Variants in CDK17 observed in about 807,000 individuals in gnomAD.
CDK17 encodes the protein cyclin-dependent kinase 17.
CDK17 carries 24 observed loss-of-function variants against 77.6 expected under a neutral mutation model. The observed-to-expected ratio is 0.31, with a 90% CI of 0.22 to 0.44. The LOEUF (loss-of-function observed/expected upper bound fraction) is 0.44, where lower values mean the gene tolerates loss of function less well. Among genes scored for constraint, CDK17 ranks in the 20% least tolerant of loss-of-function variants. The probability of loss-of-function intolerance (pLI) is 1.00; values close to 1 mark genes in which losing one functional copy is unlikely to be tolerated. For synonymous variants in CDK17, 203 were observed against 210.4 expected (o/e 0.96, Z 0.30); for missense variants, 429 against 622.5 (o/e 0.69, Z 3.31).
chr12:96,352,155 T>C (rs1460649714), intron 1 of CDK17, among the ~76,000 whole-genome samples: 1 of 152,050 alleles, frequency 6.6e-6, no homozygotes, highest in Non-Finnish European at 1.5e-5. Context: ...CTCAGAAATC[T>C]CATTCACAAA....
intron 6 of CDK17, among the ~76,000 whole-genome samples, 169 bp downstream of exon 6, chr12:96,300,135 A>G (rs1952475854): frequency 6.6e-6 from 1 of 152,222 alleles, no homozygotes; most frequent in Admixed American, 6.5e-5. Context: ...AATTTCAAGA[A>G]TTGAAGACTC....
At position 96,383,744 on chromosome 12, in the gene CDK17, C is replaced by T. The variant is rs552954459; in HGVS notation, c.-30+16242G>A. On this transcript the variant is annotated intron_variant, in intron 1 of 16. Transcript: ENST00000261211. ...CATACACAGAAGAATGAAAGTGGGC[C>T]CCTACTTTTTGTCCTATACAAAAAT... 1.2e-4 allele frequency among the ~76,000 whole-genome samples: 18 copies of T among 152,138 alleles called. No homozygotes were observed. The South Asian group carries it at 3.5e-3, about 30-fold the overall frequency.
chr12:96,285,732 T>C (rs1191820699), intron 13 of CDK17: 1 of 169,108 alleles, frequency 5.9e-6, no homozygotes, highest in African/African-American at 2.4e-5. Context: ...GTCAAGATTT[T>C]ACTTACATAA....
chr12:96,307,015 G>A (rs1400070441), intron 5 of CDK17, among the ~76,000 whole-genome samples: 1 of 150,604 alleles, frequency 6.6e-6, no homozygotes, highest in African/African-American at 2.4e-5. Flanking sequence ...AAGTAGGCAG[G>A]CCAGGCGCAG....
chr12:96,321,922 C>A (rs894751211), intron 3 of CDK17, among the ~76,000 whole-genome samples: 4 of 148,532 alleles, frequency 2.7e-5, no homozygotes, highest in African/African-American at 1.0e-4. Context: ...AACTAACCTG[C>A]ACAATGTGCA....
Position 96,279,466 on chromosome 12 carries a change from T to C in CDK17, c.*776A>G, listed in dbSNP as rs184215695. On this transcript the variant is annotated 3_prime_UTR_variant, in exon 17 of 17. Coordinates refer to ENST00000261211, the MANE Select transcript of CDK17 (RefSeq NM_002595.5). ...ACTAAATTTAAAACACAATGTAAAA[T>C]AGGTAAGTGTATTAGTATACAAATA... is the stretch of plus-strand genomic sequence containing the variant. The C allele has an allele frequency of 5.3e-5, 8 of 152,324 alleles. No individual in the cohort carries two copies. The highest frequency in any genetic ancestry group is 3.9e-4 in the East Asian group (2 of 5,192). The allele number at this position is 152,324 out of a possible 1,614,324, so 9.4% of individuals were successfully genotyped here.
At chr12:96,283,551 A>C (rs1411170615) in intron 14 of CDK17, 52 bp downstream of exon 14, 1 of 1,091,116 alleles carries the variant, frequency 9.2e-7, no homozygotes, top group Non-Finnish European at 1.4e-6. Flanking sequence ...CTACACATGA[A>C]GAAGCTGAGG....
At chr12:96,286,553 G>A in intron 12 of CDK17, 111 bp downstream of exon 12, 1 of 694,932 alleles carries the variant, frequency 1.4e-6, no homozygotes, top group Non-Finnish European at 2.5e-6. Context: ...ACTAACAGCT[G>A]TTTATGTTAG....
intron 1 of CDK17, among the ~76,000 whole-genome samples, chr12:96,393,053 A>G (rs984929329): frequency 6.6e-6 from 1 of 152,200 alleles, no homozygotes; most frequent in Non-Finnish European, 1.5e-5. Flanking sequence ...AAATTGAGAC[A>G]TAAAGGACCA....
intron 1 of CDK17, among the ~76,000 whole-genome samples, chr12:96,337,800 C>T (rs1427473470): frequency 1.3e-5 from 2 of 152,192 alleles, no homozygotes; most frequent in East Asian, 3.8e-4. Context: ...CTAGAGACAT[C>T]TTCCTTTGTT....
At chr12:96,372,983 A>T (rs2137211380) in intron 1 of CDK17, among the ~76,000 whole-genome samples, 1 of 152,338 alleles carries the variant, frequency 6.6e-6, no homozygotes, top group Middle Eastern at 3.4e-3. Flanking sequence ...GGATGGCTTT[A>T]TGAGCCTAGA....
intron 1 of CDK17, among the ~76,000 whole-genome samples, chr12:96,372,557 C>A (rs1010770800): frequency 5.9e-5 from 9 of 152,102 alleles, no homozygotes; most frequent in Non-Finnish European, 8.8e-5. Context: ...CATACTCTAT[C>A]ATCTTTATAA....
At chr12:96,300,455 G>A (rs1347353703) in intron 5 of CDK17, 95 bp from the exon 6 acceptor site, 13 of 719,386 alleles carry the variant, frequency 1.8e-5, no homozygotes, top group South Asian at 1.0e-4. Context: ...GGAGTGCAGC[G>A]GCACAATCTT....
intron 3 of CDK17, among the ~76,000 whole-genome samples, chr12:96,318,923 A>T (rs1466824449): frequency 8.0e-6 from 1 of 125,290 alleles, no homozygotes; most frequent in African/African-American, 3.0e-5. Flanking sequence ...TTCAAAAGCT[A>T]GCAGAAGGCA....
At chr12:96,285,818 T>C (rs1349361840) in intron 13 of CDK17, 1 of 266,820 alleles carries the variant, frequency 3.7e-6, no homozygotes, top group Non-Finnish European at 7.0e-6. Context: ...TCATAATCTC[T>C]GTGGTACGGA....
intron 1 of CDK17, among the ~76,000 whole-genome samples, chr12:96,337,447 A>C (rs1489233868): frequency 2.6e-5 from 4 of 151,942 alleles, no homozygotes; most frequent in African/African-American, 4.8e-5. Context: ...CTTCAAAATG[A>C]TTTTTTCCCC....
intron 1 of CDK17, among the ~76,000 whole-genome samples, chr12:96,369,371 A>C (rs1953653364): frequency 6.6e-6 from 1 of 152,224 alleles, no homozygotes; most frequent in African/African-American, 2.4e-5. Context: ...AAAGGAAAAA[A>C]ACAAATTAAG....
At chr12:96,383,328 C>T (rs1297024105) in intron 1 of CDK17, among the ~76,000 whole-genome samples, 3 of 149,772 alleles carry the variant, frequency 2.0e-5, no homozygotes, top group Non-Finnish European at 4.4e-5. Flanking sequence ...TTAAAATATC[C>T]ATAGTGCCAA....
At chr12:96,379,341 A>C (rs1358893246) in intron 1 of CDK17, among the ~76,000 whole-genome samples, 3 of 152,206 alleles carry the variant, frequency 2.0e-5, no homozygotes, top group Non-Finnish European at 4.4e-5. Flanking sequence ...AATTTATAGA[A>C]ACAATTAATG....
Sources: allele counts gnomAD v4.1 joint callset (sites outside exome capture counted in the v4.1 genomes callset), GRCh38; gene constraint gnomAD v4.1.1; transcripts MANE v1.5; gene names NCBI Gene and HGNC (gene_info 2026-07-23, HGNC 2026-07-21).